The following GABRR2 variants were observed in gnomAD, a reference collection of about 807,000 sequenced individuals.
GABRR2 encodes gamma-aminobutyric acid receptor subunit rho-2.
GABRR2 carries 36 observed loss-of-function variants against 47.0 expected under a neutral mutation model. The observed-to-expected ratio is 0.77, with a 90% CI of 0.59 to 1.01. The LOEUF is 1.01. GABRR2 is among the 50% of genes least tolerant of loss of function. The pLI, the probability that GABRR2 is intolerant of heterozygous loss-of-function variation, is 0.00. For missense variants in GABRR2, 587 were observed against 594.6 expected (o/e 0.99, Z 0.13); for synonymous variants, 204 against 227.5 (o/e 0.90, Z 0.93).
At position 89,284,327 on chromosome 6, in the gene GABRR2, A is replaced by G. The variant is rs185105399; in HGVS notation, c.221-12605T>C. ...CACCTTACATATATATGTCGGTAGT[A>G]GGCAGAATAATGCCCCAGAGATTTA... On this transcript the variant is annotated intron_variant, in intron 2 of 8. Coordinates refer to ENST00000402938, the MANE Select transcript of GABRR2 (RefSeq NM_002043.5). Among the ~76,000 whole-genome samples, 381 of 152,326 alleles carry G rather than the reference A, an allele frequency of 2.5e-3. 1 individual carries two copies. The highest frequency in any genetic ancestry group is 4.8e-3 in the Non-Finnish European group (328 of 68,030).
intron 2 of GABRR2, among the ~76,000 whole-genome samples, chr6:89,273,056 T>A (rs1774088339): frequency 6.6e-6 from 1 of 152,224 alleles, no homozygotes; most frequent in Non-Finnish European, 1.5e-5. Flanking sequence ...TTTTATTCAT[T>A]ACTGGTGAGG....
At chr6:89,299,660 C>T in intron 2 of GABRR2, 99 bp downstream of exon 2, 1 of 744,660 alleles carries the variant, frequency 1.3e-6, no homozygotes, top group East Asian at 2.5e-5. Context: ...GAAAATTGCA[C>T]CATCTGAGGA....
intron 2 of GABRR2, among the ~76,000 whole-genome samples, chr6:89,273,109 A>G (rs1774089268): frequency 6.6e-6 from 1 of 152,216 alleles, no homozygotes. Context: ...AAAGAAAATA[A>G]GTACAATGCT....
chr6:89,296,150 C>A (rs1443389380), intron 2 of GABRR2, among the ~76,000 whole-genome samples: 1 of 152,244 alleles, frequency 6.6e-6, no homozygotes, highest in Non-Finnish European at 1.5e-5. Flanking sequence ...CTCACAGAGA[C>A]CTGCCCATGA....
intron 1 of GABRR2, among the ~76,000 whole-genome samples, chr6:89,307,217 C>G (rs1368312036): frequency 6.6e-6 from 1 of 152,196 alleles, no homozygotes; most frequent in African/African-American, 2.4e-5. Context: ...GATGCCCAGG[C>G]TGTACCCCAG....
At chr6:89,302,186 C>A in intron 1 of GABRR2, 1 of 559,172 alleles carries the variant, frequency 1.8e-6, no homozygotes, top group Non-Finnish European at 3.5e-6. Flanking sequence ...CCAGCTGACC[C>A]TCTCGCTGGG....
In GABRR2 at chr6:89,255,942, G is replaced by A. The variant is rs1038914664; in HGVS notation, c.*1728C>T. 1.3e-5 allele frequency among the ~76,000 whole-genome samples: 2 copies of A among 151,548 alleles called. No homozygotes were observed. Among genetic ancestry groups the A allele is most frequent in the African/African-American group, 2.4e-5 (1 of 41,192 alleles). On this transcript the variant is annotated 3_prime_UTR_variant, in exon 9 of 9. Coordinates refer to ENST00000402938, the MANE Select transcript of GABRR2 (RefSeq NM_002043.5). ...ATTATTATTTTAGAGATAGGGTCTC[G>A]CTCTGTCACTCAGGCTGGACTGCAG...
intron 8 of GABRR2, among the ~76,000 whole-genome samples, chr6:89,262,378 T>A (rs1288560500): frequency 6.6e-6 from 1 of 152,216 alleles, no homozygotes; most frequent in Non-Finnish European, 1.5e-5. Flanking sequence ...TCCTATAGCC[T>A]GTTGAATATG....
chr6:89,256,633 T>G lies in GABRR2; in HGVS notation c.*1037A>C, dbSNP rs1376347926. Among the ~76,000 whole-genome samples, 1 of 152,134 alleles carries G rather than the reference T, an allele frequency of 6.6e-6. No homozygotes were observed. ...TCTATGCCAACAATGTGATTTATGA[T>G]AGGTGCCCTGGACCTCAAGGTACCA... On this transcript the variant is annotated 3_prime_UTR_variant, in exon 9 of 9. Coordinates refer to ENST00000402938, the MANE Select transcript of GABRR2 (RefSeq NM_002043.5).
intron 2 of GABRR2, among the ~76,000 whole-genome samples, chr6:89,297,250 T>C (rs1774572246): frequency 1.3e-5 from 2 of 152,198 alleles, no homozygotes; most frequent in Admixed American, 1.3e-4. Flanking sequence ...AAAAGTTTGT[T>C]TTTCTTATTT....
chr6:89,267,831 G>C lies in GABRR2; in HGVS notation c.596-12C>G. 6.2e-7 allele frequency: 1 copy of C among 1,607,390 alleles called. No homozygotes were observed. The highest frequency in any genetic ancestry group is 8.5e-7 in the Non-Finnish European group (1 of 1,176,322). ...ATCTGTATAGGCATCTTTGGGAAGA[G>C]GAAAACAAGTTAATTTGACTCCTTC... On this transcript the variant is annotated splice_polypyrimidine_tract_variant and intron_variant, in intron 5 of 8. Coordinates refer to ENST00000402938, the MANE Select transcript of GABRR2 (RefSeq NM_002043.5).
chr6:89,271,558 C>T (rs1231535546), intron 3 of GABRR2, 97 bp downstream of exon 3: 13 of 1,102,092 alleles, frequency 1.2e-5, no homozygotes, highest in Admixed American at 2.0e-5. Flanking sequence ...ATTTTATCAC[C>T]TCCAGCTCCC....
In GABRR2 at chr6:89,264,329, C is replaced by G. The variant is rs182412545; in HGVS notation, c.1086+83G>C. 14 of 1,449,888 alleles carry G rather than the reference C, an allele frequency of 9.7e-6. No homozygotes were observed. In the African/African-American group the frequency reaches 1.3e-4, roughly 13 times the overall value. The allele number at this position is 1,449,888 out of a possible 1,614,324, so 89.8% of individuals were successfully genotyped here. ...ACATCTCCTTTTTCTACATGCAACC[C>G]CTGCCTCTGCCCCCTGGCCCAGAAG... On this transcript the variant is annotated intron_variant, in intron 8 of 8. Transcript: ENST00000402938.
intron 1 of GABRR2, among the ~76,000 whole-genome samples, chr6:89,307,414 C>T (rs985810293): frequency 2.0e-4 from 30 of 152,214 alleles, no homozygotes; most frequent in African/African-American, 7.0e-4. Context: ...AGATTATAAT[C>T]ACCTGGGGAG....
chr6:89,307,554 C>T (rs948788538), intron 1 of GABRR2, among the ~76,000 whole-genome samples: 11 of 152,106 alleles, frequency 7.2e-5, no homozygotes, highest in African/African-American at 1.4e-4. Context: ...ATTTGAGAAC[C>T]GCTAGGATAA....
chr6:89,303,926 G>A (rs1295679385), intron 1 of GABRR2, among the ~76,000 whole-genome samples: 1 of 152,072 alleles, frequency 6.6e-6, no homozygotes, highest in Admixed American at 6.6e-5. Context: ...AATTGGACCC[G>A]TTTTTTACAC....
In GABRR2 at chr6:89,255,999, T is replaced by C. The variant is rs548139806; in HGVS notation, c.*1671A>G. On this transcript the variant is annotated 3_prime_UTR_variant, in exon 9 of 9. Coordinates refer to ENST00000402938, the MANE Select transcript of GABRR2 (RefSeq NM_002043.5). ...GATCACAGCTCACGGCAGCCTGGAA[T>C]TCCTGGGCTCAAGCAATCCTCCCGC... is the stretch of plus-strand genomic sequence containing the variant. Among the ~76,000 whole-genome samples the C allele has an allele frequency of 1.5e-3, 225 of 151,992 alleles. 2 individuals are homozygous for C. Among genetic ancestry groups the C allele is most frequent in the African/African-American group, 4.7e-3 (195 of 41,434 alleles).
Position 89,276,529 on chromosome 6 carries a change from C to T in GABRR2, c.221-4807G>A, listed in dbSNP as rs192328543. On this transcript the variant is annotated intron_variant, in intron 2 of 8. Transcript: ENST00000402938. The stretch of plus-strand genomic sequence containing the variant: ...TTCTCAATGTGATGAAGGAGAGCTA[C>T]CAAAAAATCTACATCAAATACCATC... Among the ~76,000 whole-genome samples, 512 of 152,058 alleles carry T rather than the reference C, an allele frequency of 3.4e-3. 2 individuals are homozygous for T. Among genetic ancestry groups the T allele is most frequent in the African/African-American group, 9.8e-3 (407 of 41,486 alleles).
At chr6:89,301,259 G>A (rs958148843) in intron 1 of GABRR2, among the ~76,000 whole-genome samples, 3 of 152,072 alleles carry the variant, frequency 2.0e-5, no homozygotes, top group South Asian at 4.1e-4. Flanking sequence ...CAAACCCATA[G>A]CCAACGTCAT....
Sources: gnomAD v4.1 joint callset for allele counts (sites outside exome capture counted in the v4.1 genomes callset) on GRCh38, gnomAD v4.1.1 for gene constraint, MANE v1.5 for transcripts, NCBI Gene and HGNC (gene_info 2026-07-23, HGNC 2026-07-21) for gene names.